Variants in DMTF1 observed in about 807,000 individuals in gnomAD.
The protein encoded by DMTF1 is cyclin D binding myb like transcription factor 1.
A neutral mutation model predicts 91.1 loss-of-function variants in DMTF1; 39 were observed. The ratio of observed to expected loss-of-function variants is 0.43; its 90% CI spans 0.33 to 0.56. The LOEUF is 0.56. Among genes scored for constraint, DMTF1 ranks in the 20% least tolerant of loss-of-function variants. The pLI is 0.05. For missense variants in DMTF1, 750 were observed against 914.5 expected (o/e 0.82, Z 2.32); for synonymous variants, 338 against 309.5 (o/e 1.09, Z -0.97).
intron 14 of DMTF1, chr7:87,192,790 A>G (rs1370869554): frequency 6.3e-6 from 1 of 159,224 alleles, no homozygotes; most frequent in African/African-American, 2.4e-5. Context: ...CCTTTCTATA[A>G]AAAATTTCCC....
At chr7:87,183,906 C>T (rs1003180713) in intron 10 of DMTF1, among the ~76,000 whole-genome samples, 4 of 152,140 alleles carry the variant, frequency 2.6e-5, no homozygotes, top group African/African-American at 9.7e-5. Flanking sequence ...TGGTAGAAAC[C>T]TAGTTTTTAC....
intron 10 of DMTF1, among the ~76,000 whole-genome samples, chr7:87,183,700 A>G (rs1467275924): frequency 6.6e-6 from 1 of 152,230 alleles, no homozygotes; most frequent in Admixed American, 6.5e-5. Context: ...GGTAAAGAAG[A>G]TGAAAAAAAA....
At chr7:87,155,509 G>A (rs1341197926) in intron 1 of DMTF1, 1 of 152,092 alleles carries the variant, frequency 6.6e-6, no homozygotes, top group Non-Finnish European at 1.5e-5. Context: ...TAAACTAAAT[G>A]ATTTTTATTA....
chr7:87,161,441 G>T (rs1299160025), intron 1 of DMTF1, among the ~76,000 whole-genome samples: 2 of 152,214 alleles, frequency 1.3e-5, no homozygotes, highest in Non-Finnish European at 2.9e-5. Context: ...GGCGGAGGTT[G>T]CAGTGAGCCA....
At chr7:87,166,052 G>A (rs1044209798) in intron 3 of DMTF1, among the ~76,000 whole-genome samples, 2 of 152,120 alleles carry the variant, frequency 1.3e-5, no homozygotes, top group African/African-American at 4.8e-5. Flanking sequence ...TATAGTACAG[G>A]TTCTTTAATT....
intron 8 of DMTF1, among the ~76,000 whole-genome samples, chr7:87,180,856 C>CTTTTTTTTTTTTTTTTTTTT (rs397889347): frequency 1.6e-5 from 2 of 127,698 alleles, no homozygotes; most frequent in Admixed American, 7.9e-5. Context: ...TTATTTTCAA[C>CTTTTTTTTTTTTTTTTTTTT]TTTTTTTTTT....
rs1562862494 is a variant in DMTF1 at position 87,193,910 on chromosome 7, C to G, written c.1836C>G (p.Phe612Leu). The change falls in exon 16 of 18, where the codon TTC becomes TTG. Residue 612 changes from phenylalanine to leucine, a missense_variant. Phe to Leu is a conservative substitution (Grantham distance 22). Coordinates refer to ENST00000331242, the MANE Select transcript of DMTF1 (RefSeq NM_001142327.2). ...EPPDALEADT[F>L]PDEIHHPKMT... ...CAGACGCCCTAGAAGCAGACACTTT[C>G]CCAGATGAAATTCATCACCCTAAGA... is the stretch of plus-strand genomic sequence containing the variant. 6.2e-7 allele frequency: 1 copy of G among 1,613,302 alleles called. No homozygotes were observed. The highest frequency in any genetic ancestry group is 1.7e-4 in the Middle Eastern group (1 of 6,048).
chr7:87,158,495 T>G (rs2129049636), intron 1 of DMTF1, among the ~76,000 whole-genome samples: 1 of 152,196 alleles, frequency 6.6e-6, no homozygotes, highest in Non-Finnish European at 1.5e-5. Flanking sequence ...CTATCCTAAG[T>G]TTTCTAAAAT....
intron 7 of DMTF1, among the ~76,000 whole-genome samples, chr7:87,178,263 C>T (rs552095931): frequency 1.9e-4 from 29 of 152,054 alleles, no homozygotes; most frequent in South Asian, 8.3e-4. Context: ...TGTGTAGAAA[C>T]GCAAATAACT....
chr7:87,188,801 AG>A (rs1484040869), intron 13 of DMTF1, among the ~76,000 whole-genome samples: 1 of 152,150 alleles, frequency 6.6e-6, no homozygotes, highest in Non-Finnish European at 1.5e-5. Context: ...GTGTTTGGAC[AG>A]TTTTATGCTT....
chr7:87,184,346 G>C (rs1313970728), intron 10 of DMTF1, 51 bp from the exon 11 acceptor site: 2 of 1,542,270 alleles, frequency 1.3e-6, no homozygotes, highest in African/African-American at 2.7e-5. Flanking sequence ...GGCTGAATCA[G>C]ATTTGTAAAA....
chr7:87,153,156 TTCA>T (rs1789687299), intron 1 of DMTF1, among the ~76,000 whole-genome samples: 1 of 151,960 alleles, frequency 6.6e-6, no homozygotes, highest in Non-Finnish European at 1.5e-5. Flanking sequence ...TTTGCGGGGG[TTCA>T]GCCTTGCTCG....
At chr7:87,190,434 T>C (rs1339145172) in intron 13 of DMTF1, among the ~76,000 whole-genome samples, 1 of 152,120 alleles carries the variant, frequency 6.6e-6, no homozygotes, top group Non-Finnish European at 1.5e-5. Flanking sequence ...TACCCATATA[T>C]ACAAGAAAAC....
chr7:87,194,512 GT>G, intron 16 of DMTF1, 171 bp from the exon 17 acceptor site: 1 of 506,940 alleles, frequency 2.0e-6, no homozygotes, highest in Non-Finnish European at 3.5e-6. Context: ...TTTGTTAAAA[GT>G]ATGTTAGATT....
intron 4 of DMTF1, among the ~76,000 whole-genome samples, chr7:87,167,161 C>T (rs1794019028): frequency 6.6e-6 from 1 of 152,150 alleles, no homozygotes; most frequent in Non-Finnish European, 1.5e-5. Context: ...CTCTTAACCC[C>T]AATGCCATAT....
chr7:87,182,369 G>T (rs1358233015), intron 10 of DMTF1, 32 bp downstream of exon 10: 1 of 1,610,250 alleles, frequency 6.2e-7, no homozygotes, highest in Non-Finnish European at 8.5e-7. Context: ...GCGTTTTCTT[G>T]TCACCACTTA....
At chr7:87,180,768 A>G (rs1019533780) in intron 8 of DMTF1, among the ~76,000 whole-genome samples, 1 of 152,090 alleles carries the variant, frequency 6.6e-6, no homozygotes, top group African/African-American at 2.4e-5. Flanking sequence ...TTCTTTTTCT[A>G]GAGAAAATTA....
intron 12 of DMTF1, chr7:87,186,772 T>A (rs1206978539): frequency 6.6e-6 from 1 of 152,182 alleles, no homozygotes; most frequent in Non-Finnish European, 1.5e-5. Context: ...GGCTGTACCA[T>A]CTAGGTTTGT....
intron 6 of DMTF1, among the ~76,000 whole-genome samples, chr7:87,174,392 G>T (rs768763961): frequency 3.3e-5 from 5 of 151,898 alleles, no homozygotes; most frequent in Non-Finnish European, 5.9e-5. Flanking sequence ...TTTTAGTAGG[G>T]TCAAATAAAT....
Sources: gnomAD v4.1 joint callset for allele counts (sites outside exome capture counted in the v4.1 genomes callset) on GRCh38, gnomAD v4.1.1 for gene constraint, MANE v1.5 for transcripts, NCBI Gene and HGNC (gene_info 2026-07-23, HGNC 2026-07-21) for gene names.